KALRN: variants seen among roughly 807,000 people sequenced by gnomAD.
The protein encoded by KALRN is kalirin RhoGEF kinase.
In KALRN, 70 loss-of-function variants were observed where a neutral mutation model predicts 353.7. The ratio of observed to expected loss-of-function variants is 0.20; its 90% CI spans 0.16 to 0.24. The LOEUF (loss-of-function observed/expected upper bound fraction) is 0.24, where lower values mean the gene tolerates loss of function less well. Ranked by LOEUF, KALRN falls within the 10% of genes least tolerant of loss-of-function variation. KALRN has a pLI of 1.00. For synonymous variants in KALRN, 1,391 were observed against 1,434.8 expected (o/e 0.97, Z 0.69); for missense variants, 2,791 against 3,756.7 (o/e 0.74, Z 6.72).
chr3:124,468,612 T>C (rs1424447880), intron 25 of KALRN, among the ~76,000 whole-genome samples: 6 of 152,208 alleles, frequency 3.9e-5, no homozygotes, highest in South Asian at 2.1e-4. Flanking sequence ...TTATCAAATA[T>C]AAAAGCCCGA....
intron 1 of KALRN, among the ~76,000 whole-genome samples, chr3:124,052,242 T>C (rs192531632): frequency 8.3e-4 from 126 of 152,344 alleles, no homozygotes; most frequent in African/African-American, 3.0e-3. Context: ...AGGATCATCC[T>C]GACAGTCAGC....
intron 16 of KALRN, among the ~76,000 whole-genome samples, chr3:124,431,441 C>A (rs1372044490): frequency 1.3e-5 from 2 of 152,140 alleles, no homozygotes; most frequent in East Asian, 3.8e-4. Flanking sequence ...TTTTGTCTTG[C>A]TTTAAGTACC....
At chr3:124,495,993 A>G (rs1479653410) in intron 32 of KALRN, among the ~76,000 whole-genome samples, 33 of 62,184 alleles carry the variant, frequency 5.3e-4, no homozygotes, top group African/African-American at 1.9e-3. Flanking sequence ...ATATATATAT[A>G]TATATATATA....
Position 124,722,092 on chromosome 3 carries a change from C to T in KALRN, c.*2622C>T, listed in dbSNP as rs1036218691. On this transcript the variant is annotated 3_prime_UTR_variant, in exon 60 of 60. Transcript: ENST00000682506. ...TGTGGATGACCTGAATCAAGATCCC[C>T]CTGCTGAGCCATTCTGAGTTTTTAT... 6.6e-6 allele frequency: 1 copy of T among 152,396 alleles called. No individual in the cohort carries two copies. Among genetic ancestry groups the T allele is most frequent in the Non-Finnish European group, 1.5e-5 (1 of 68,214 alleles). 9.4% of individuals were successfully genotyped at this position (152,396 alleles called of 1,614,324 possible).
chr3:124,076,217 A>T (rs773430591), intron 1 of KALRN, among the ~76,000 whole-genome samples: 7 of 152,312 alleles, frequency 4.6e-5, no homozygotes, highest in Non-Finnish European at 7.4e-5. Flanking sequence ...TGAGCAGGAG[A>T]TGCAGACCCA....
intron 15 of KALRN, among the ~76,000 whole-genome samples, chr3:124,428,270 G>C (rs1330788493): frequency 6.6e-6 from 1 of 152,162 alleles, no homozygotes; most frequent in African/African-American, 2.4e-5. Context: ...AGCTCATACA[G>C]ATTCTGGAAT....
Position 124,632,650 on chromosome 3 carries a change from G to C in KALRN, c.5413G>C (p.Gly1805Arg). Reference sequence around the variant, plus strand: ...CGATGGTCGGAAGAGCTTTGACCTGGGATCTCCCAAGCCTGGGGATGAAAC... The same window carrying C: ...CGATGGTCGGAAGAGCTTTGACCTGCGATCTCCCAAGCCTGGGGATGAAAC... ...VRDGRKSFDL[G>R]SPKPGDETTP... Residue 1805 changes from glycine (G) to arginine (R), a missense_variant, in exon 35 of 60, where the codon GGA becomes CGA. By Grantham distance (125) the Gly-to-Arg change is moderately radical. Around this residue, in one of 11 missense-constraint regions of KALRN, gnomAD observed 1,065 missense variants for 1,156.4 expected, o/e 0.92. Transcript: ENST00000682506. 6.2e-7 allele frequency: 1 copy of C among 1,614,148 alleles called. No homozygotes were observed. The highest frequency in any genetic ancestry group is 8.5e-7 in the Non-Finnish European group (1 of 1,180,016).
chr3:124,387,741 G>C (rs960731819), intron 11 of KALRN, among the ~76,000 whole-genome samples: 1 of 152,130 alleles, frequency 6.6e-6, no homozygotes, highest in Admixed American at 6.5e-5. Context: ...GTATACAAAG[G>C]GGTTTATGGT....
chr3:124,247,699 A>G (rs948473037), intron 3 of KALRN, among the ~76,000 whole-genome samples: 5 of 152,220 alleles, frequency 3.3e-5, no homozygotes, highest in Non-Finnish European at 7.3e-5. Flanking sequence ...AAGATAAAAC[A>G]TTGAAGATAA....
intron 3 of KALRN, among the ~76,000 whole-genome samples, chr3:124,241,250 ATTTACT>A (rs571393413): frequency 1.9e-3 from 287 of 152,246 alleles, no homozygotes; most frequent in Non-Finnish European, 2.9e-3. Flanking sequence ...ACAATATATG[ATTTACT>A]TTTCTTGTTT....
chr3:124,690,050 C>T (rs1389792624), intron 51 of KALRN, among the ~76,000 whole-genome samples: 1 of 152,142 alleles, frequency 6.6e-6, no homozygotes, highest in Admixed American at 6.5e-5. Flanking sequence ...CTCAGCTCTC[C>T]TCCCCAAAAT....
At chr3:124,116,607 G>A (rs1378509728) in intron 1 of KALRN, among the ~76,000 whole-genome samples, 1 of 152,078 alleles carries the variant, frequency 6.6e-6, no homozygotes, top group East Asian at 1.9e-4. Flanking sequence ...CTTATCTGAG[G>A]GGGATACGTT....
At chr3:124,485,274 C>T (rs2062433156) in intron 28 of KALRN, among the ~76,000 whole-genome samples, 1 of 152,214 alleles carries the variant, frequency 6.6e-6, no homozygotes, top group Non-Finnish European at 1.5e-5. Context: ...CCAATGCTGA[C>T]TCAACTATCC....
chr3:124,584,824 G>A, intron 34 of KALRN: 1 of 1,603,764 alleles, frequency 6.2e-7, no homozygotes. Flanking sequence ...GGGGCAACAT[G>A]AAGGGCGGCG....
At chr3:124,487,364 A>G (rs1316089683) in intron 28 of KALRN, among the ~76,000 whole-genome samples, 1 of 151,996 alleles carries the variant, frequency 6.6e-6, no homozygotes, top group East Asian at 1.9e-4. Flanking sequence ...GAAAGGACAC[A>G]CTCCCCAGCT....
chr3:124,698,514 A>C (rs958972086), intron 55 of KALRN, among the ~76,000 whole-genome samples: 5 of 152,192 alleles, frequency 3.3e-5, no homozygotes, highest in Admixed American at 1.3e-4. Context: ...AGGTGTCTTC[A>C]TGCATGTATC....
intron 33 of KALRN, among the ~76,000 whole-genome samples, chr3:124,522,989 TTGTC>T (rs1488389814): frequency 6.6e-6 from 1 of 152,230 alleles, no homozygotes; most frequent in Non-Finnish European, 1.5e-5. Context: ...ATTTCATTAT[TTGTC>T]TATCAATGCT....
At chr3:124,387,971 G>C (rs775634154) in intron 11 of KALRN, among the ~76,000 whole-genome samples, 5 of 151,794 alleles carry the variant, frequency 3.3e-5, no homozygotes, top group Non-Finnish European at 4.4e-5. Context: ...TGCTAGGCAG[G>C]GTAGAAAATA....
chr3:124,167,072 TAATA>T (rs1239049836), intron 1 of KALRN, among the ~76,000 whole-genome samples: 1 of 152,080 alleles, frequency 6.6e-6, no homozygotes, highest in African/African-American at 2.4e-5. Context: ...GATATTATAA[TAATA>T]AATTTGGGGA....
Sources: allele counts gnomAD v4.1 joint callset (sites outside exome capture counted in the v4.1 genomes callset), GRCh38; gene constraint gnomAD v4.1.1; regional missense constraint gnomAD v4.1.1; transcripts MANE v1.5; gene names NCBI Gene and HGNC (gene_info 2026-07-23, HGNC 2026-07-21).